The following ARHGAP39 variants were observed in gnomAD, a reference collection of about 807,000 sequenced individuals.
ARHGAP39 encodes the protein rho GTPase-activating protein 39.
ARHGAP39 carries 44 observed loss-of-function variants against 106.9 expected under a neutral mutation model. The ratio of observed to expected loss-of-function variants is 0.41; its 90% CI spans 0.32 to 0.53. ARHGAP39 has a LOEUF of 0.53. Ranked by LOEUF, ARHGAP39 falls within the 20% of genes least tolerant of loss-of-function variation. The probability of loss-of-function intolerance (pLI) is 0.21; values close to 1 mark genes in which losing one functional copy is unlikely to be tolerated. For missense variants in ARHGAP39, 1,496 were observed against 1,577.3 expected, an observed-to-expected ratio of 0.95 and a Z score of 0.87; for synonymous variants, 768 against 693.2, an observed-to-expected ratio of 1.11 and a Z score of -1.69.
At chr8:144,553,345 G>A (rs1304776007) in intron 4 of ARHGAP39, among the ~76,000 whole-genome samples, 1 of 152,170 alleles carries the variant, frequency 6.6e-6, no homozygotes, top group African/African-American at 2.4e-5. Context: ...ATTCAGCTGG[G>A]TGCCTGCTCT....
chr8:144,606,610 A>AAGGAGGAGG (rs537326469), intron 1 of ARHGAP39, among the ~76,000 whole-genome samples: 2 of 150,760 alleles, frequency 1.3e-5, no homozygotes, highest in African/African-American at 2.4e-5. Context: ...GGAGGAGGAG[A>AAGGAGGAGG]AGGAGGAGGA....
chr8:144,593,196 C>T (rs1486394696), intron 2 of ARHGAP39, among the ~76,000 whole-genome samples: 1 of 152,142 alleles, frequency 6.6e-6, no homozygotes, highest in Non-Finnish European at 1.5e-5. Flanking sequence ...CAGCGATCAG[C>T]CCACATAAGC....
intron 2 of ARHGAP39, among the ~76,000 whole-genome samples, chr8:144,592,110 T>C (rs1819425167): frequency 6.6e-6 from 1 of 152,218 alleles, no homozygotes; most frequent in Admixed American, 6.5e-5. Flanking sequence ...AAAATGCACT[T>C]TCAAATGAAT....
chr8:144,683,981 C>T (rs1822502183), intron 1 of ARHGAP39, among the ~76,000 whole-genome samples: 1 of 152,184 alleles, frequency 6.6e-6, no homozygotes, highest in African/African-American at 2.4e-5. Flanking sequence ...CTCACAACAA[C>T]CCTATGAGGC....
chr8:144,593,377 C>T (rs1819479744), intron 2 of ARHGAP39, among the ~76,000 whole-genome samples: 1 of 152,110 alleles, frequency 6.6e-6, no homozygotes, highest in African/African-American at 2.4e-5. Context: ...TGGACGTCTA[C>T]CTGCAAACAA....
the ARHGAP39 span, among the ~76,000 whole-genome samples, chr8:144,692,995 G>A: frequency 2.0e-5 from 3 of 151,194 alleles, no homozygotes; most frequent in Non-Finnish European, 4.4e-5. Flanking sequence ...CTGACCTCAG[G>A]TGATCCGCCT....
chr8:144,573,324 G>A (rs548158476), intron 3 of ARHGAP39, among the ~76,000 whole-genome samples: 3 of 152,248 alleles, frequency 2.0e-5, no homozygotes, highest in African/African-American at 7.2e-5. Flanking sequence ...GATGAAGCTG[G>A]AAACCATCAT....
intron 2 of ARHGAP39, among the ~76,000 whole-genome samples, chr8:144,600,954 G>C (rs1014261377): frequency 6.9e-6 from 1 of 144,966 alleles, no homozygotes; most frequent in Non-Finnish European, 1.5e-5. Flanking sequence ...GTGTGTGCTC[G>C]TATACCTGTG....
At chr8:144,546,502 G>A (rs1039320489) in intron 5 of ARHGAP39, among the ~76,000 whole-genome samples, 32 of 152,124 alleles carry the variant, frequency 2.1e-4, no homozygotes, top group Non-Finnish European at 4.4e-4. Flanking sequence ...GTCCTCAGAC[G>A]CTAGGCCTGC....
chr8:144,656,389 G>T (rs1821697775), intron 1 of ARHGAP39, among the ~76,000 whole-genome samples: 1 of 151,936 alleles, frequency 6.6e-6, no homozygotes, highest in African/African-American at 2.4e-5. Flanking sequence ...TGATTAAGAG[G>T]GTCAATTCAT....
intron 2 of ARHGAP39, among the ~76,000 whole-genome samples, chr8:144,602,529 CGTG>C (rs1820057417): frequency 9.1e-6 from 1 of 109,656 alleles, no homozygotes; most frequent in Admixed American, 1.1e-4. Context: ...CATGTGTGCT[CGTG>C]TACCTGTGTG....
chr8:144,610,515 T>A (rs772744073), intron 1 of ARHGAP39, among the ~76,000 whole-genome samples: 2 of 151,950 alleles, frequency 1.3e-5, no homozygotes, highest in African/African-American at 2.4e-5. Context: ...ATTGAGACCA[T>A]CCTGGCCAAT....
chr8:144,542,568 G>C (rs1391210328), intron 6 of ARHGAP39, among the ~76,000 whole-genome samples: 2 of 152,186 alleles, frequency 1.3e-5, no homozygotes, highest in Non-Finnish European at 2.9e-5. Flanking sequence ...GATAGGGCCT[G>C]TCTTTCTTTC....
chr8:144,648,414 C>A (rs1441866490), intron 1 of ARHGAP39, among the ~76,000 whole-genome samples: 12 of 152,248 alleles, frequency 7.9e-5, no homozygotes, highest in Admixed American at 7.8e-4. Context: ...CACAAGGAAA[C>A]AAGAGCTGAA....
intron 2 of ARHGAP39, among the ~76,000 whole-genome samples, chr8:144,595,111 C>T (rs999746545): frequency 1.3e-5 from 2 of 152,250 alleles, no homozygotes; most frequent in South Asian, 2.1e-4. Flanking sequence ...CCAAGAGAAA[C>T]GAAAACGTCT....
At position 144,580,952 on chromosome 8, in the gene ARHGAP39, T is replaced by C; in HGVS notation, c.406A>G (p.Thr136Ala). Residue 136 changes from threonine (T) to alanine (A), a missense_variant, in exon 3 of 12, where the codon ACC (threonine) becomes GCC (alanine). By Grantham distance (58) the Thr-to-Ala change is moderately conservative. This residue lies in a region of ARHGAP39 where 905 missense variants were observed against 816.4 expected (regional missense o/e 1.11). Coordinates refer to ENST00000377307, the MANE Select transcript of ARHGAP39 (RefSeq NM_025251.3). ...RGSSVSREGS[T>A]SSSLEPEPDT... is the part of the protein sequence containing the mutation. ...GGCTCGGGCTCCAGGGAGGAGCTGG[T>C]GCTGCCCTCACGGCTGACGCTGCTG... 6.2e-7 allele frequency: 1 copy of C among 1,604,798 alleles called. No homozygotes were observed.
chr8:144,659,733 T>G (rs1821777931), intron 1 of ARHGAP39, among the ~76,000 whole-genome samples: 1 of 152,214 alleles, frequency 6.6e-6, no homozygotes, highest in South Asian at 2.1e-4. Context: ...CACTGACACA[T>G]GCTCTCTGCA....
intron 1 of ARHGAP39, among the ~76,000 whole-genome samples, chr8:144,681,301 C>T (rs1359091418): frequency 6.6e-6 from 1 of 152,162 alleles, no homozygotes; most frequent in Non-Finnish European, 1.5e-5. Flanking sequence ...AGGAGACAGG[C>T]CAGGCAGGGT....
chr8:144,638,367 G>A (rs1039671861), intron 1 of ARHGAP39, among the ~76,000 whole-genome samples: 1 of 152,154 alleles, frequency 6.6e-6, no homozygotes. Context: ...AATATACTGC[G>A]TTTCCATTAC....
Sources: gnomAD v4.1 joint callset for allele counts (sites outside exome capture counted in the v4.1 genomes callset) on GRCh38, gnomAD v4.1.1 for gene constraint, gnomAD v4.1.1 regional missense constraint, MANE v1.5 for transcripts, NCBI Gene and HGNC (gene_info 2026-07-23, HGNC 2026-07-21) for gene names.